IRAK3: variants seen among roughly 807,000 people sequenced by gnomAD.
IRAK3 encodes interleukin 1 receptor associated kinase 3.
A neutral mutation model predicts 56.6 loss-of-function variants in IRAK3; 57 were observed. The observed-to-expected ratio is 1.01, with a 90% CI of 0.81 to 1.26. IRAK3 has a LOEUF of 1.26. Among genes scored for constraint, IRAK3 ranks in the 50% most tolerant of loss-of-function variants. The pLI, the probability that IRAK3 is intolerant of heterozygous loss-of-function variation, is 0.00. For synonymous variants in IRAK3, 258 were observed against 255.7 expected (o/e 1.01, Z -0.09); for missense variants, 703 against 719.0 (o/e 0.98, Z 0.25).
At chr12:66,227,610 C>T (rs2701291) in intron 7 of IRAK3, among the ~76,000 whole-genome samples, 6,195 of 51,706 alleles carry the variant, frequency 0.12, 203 homozygotes, top group Non-Finnish European at 0.22. Context: ...AATAAACAAA[C>T]AAACTGCTGG....
chr12:66,194,816 G>A (rs1371310684), intron 1 of IRAK3, among the ~76,000 whole-genome samples: 4 of 129,874 alleles, frequency 3.1e-5, no homozygotes, highest in Admixed American at 8.1e-5. Context: ...GCGACAGAGC[G>A]AGACTCCTCT....
chr12:66,209,437 T>C lies in IRAK3; in HGVS notation c.317-19T>C. 6.4e-7 allele frequency: 1 copy of C among 1,562,438 alleles called. No homozygotes were observed. Among genetic ancestry groups the C allele is most frequent in the Non-Finnish European group, 8.8e-7 (1 of 1,133,644 alleles). ...ACATAAAATTTTTTTGTATCTACCT[T>C]CCCATATTTCTCTTTCAGGAGCAGT... On this transcript the variant is annotated intron_variant, in intron 2 of 11. Transcript: ENST00000261233.
chr12:66,205,992 A>G (rs988644088), intron 2 of IRAK3, among the ~76,000 whole-genome samples: 1 of 152,190 alleles, frequency 6.6e-6, no homozygotes, highest in South Asian at 2.1e-4. Flanking sequence ...GCATGTCCTT[A>G]TGTATCACAT....
At position 66,253,088 on chromosome 12, in the gene IRAK3, T is replaced by C. The variant is rs1205370938; in HGVS notation, c.*4917T>C. On this transcript the variant is annotated 3_prime_UTR_variant, in exon 12 of 12. Transcript: ENST00000261233. ...AATGGCTGGCACAGTACCTGGTGCA[T>C]AATATGGTTCAACAAATATTTGTAA... is the stretch of plus-strand genomic sequence containing the variant. 13 of 152,226 alleles carry C rather than the reference T, an allele frequency of 8.5e-5. No homozygotes were observed. The highest frequency in any genetic ancestry group is 1.9e-4 in the Non-Finnish European group (13 of 68,040). The allele number at this position is 152,226 out of a possible 1,614,324, so 9.4% of individuals were successfully genotyped here. A position where few individuals can be genotyped will look rare whatever the true frequency, so the allele number is the denominator to read the frequency against.
chr12:66,191,728 G>C (rs74100111), intron 1 of IRAK3, among the ~76,000 whole-genome samples: 16 of 152,178 alleles, frequency 1.1e-4, no homozygotes, highest in South Asian at 4.1e-4. Flanking sequence ...GGGAGAAAGA[G>C]GGGAAGAGGT....
chr12:66,211,632 C>G, intron 5 of IRAK3, 35 bp downstream of exon 5: 1 of 1,540,892 alleles, frequency 6.5e-7, no homozygotes, highest in South Asian at 1.1e-5. Flanking sequence ...GACATCAGTT[C>G]CACTTATTTG....
chr12:66,248,437 G>A lies in IRAK3; in HGVS notation c.*266G>A. On this transcript the variant is annotated 3_prime_UTR_variant, in exon 12 of 12. Coordinates refer to ENST00000261233, the MANE Select transcript of IRAK3 (RefSeq NM_007199.3). ...GCCATTCAAAATTCCTTAAGATCAT[G>A]GGTTCTGACTTCAGCCAAACAAAAC... is the stretch of plus-strand genomic sequence containing the variant. The A allele has an allele frequency of 2.9e-6, 1 of 348,058 alleles. No homozygotes were observed. The highest frequency in any genetic ancestry group is 4.4e-5 in the South Asian group (1 of 22,490). 21.6% of individuals were successfully genotyped at this position (348,058 alleles called of 1,614,324 possible).
intron 1 of IRAK3, among the ~76,000 whole-genome samples, chr12:66,190,528 G>C (rs12581703): frequency 3.9e-5 from 6 of 152,160 alleles, no homozygotes; most frequent in Non-Finnish European, 7.3e-5. Context: ...TGATTTCCTA[G>C]AGTTACTGAC....
intron 2 of IRAK3, among the ~76,000 whole-genome samples, chr12:66,208,568 C>T (rs2052580606): frequency 6.6e-6 from 1 of 151,530 alleles, no homozygotes; most frequent in Non-Finnish European, 1.5e-5. Context: ...TGAGACCAAC[C>T]TGGCCAACAT....
chr12:66,248,138 C>G lies in IRAK3; in HGVS notation c.1758C>G (p.Ser586=). The part of the protein sequence containing the change: ...PVESSCSSKF[S]WDEYEQYKKE Reference sequence around the variant, plus strand: ...AGAGCAGCTGTTCCTCCAAATTTTCCTGGGATGAATATGAACAGTACAAAA... The same window carrying G: ...AGAGCAGCTGTTCCTCCAAATTTTCGTGGGATGAATATGAACAGTACAAAA... Residue 586 remains serine, a synonymous_variant, in exon 12 of 12, where the codon TCC becomes TCG. Transcript: ENST00000261233. The G allele has an allele frequency of 6.2e-7, 1 of 1,612,554 alleles. No homozygotes were observed. The highest frequency in any genetic ancestry group is 8.5e-7 in the Non-Finnish European group (1 of 1,179,572).
At position 66,244,593 on chromosome 12, in the gene IRAK3, G is replaced by A. The variant is rs377162551; in HGVS notation, c.995G>A (p.Ser332Asn). ...EHQSCTINMT[S>N]SSSKHLWYMP... Reference sequence around the variant, plus strand: ...CAGAGTTGTACCATAAATATGACCAGCAGCAGCAGTAAACATCTGTGGTAC... The same window carrying A: ...CAGAGTTGTACCATAAATATGACCAACAGCAGCAGTAAACATCTGTGGTAC... The change falls in exon 9 of 12, where the codon AGC becomes AAC. Residue 332 changes from serine to asparagine, a missense_variant. By Grantham distance (46) the Ser-to-Asn change is conservative (BLOSUM62 1). Transcript: ENST00000261233. 1 of 1,612,916 alleles carries A rather than the reference G, an allele frequency of 6.2e-7. No individual in the cohort carries two copies. Among genetic ancestry groups the A allele is most frequent in the African/African-American group, 1.3e-5 (1 of 74,858 alleles).
chr12:66,223,707 C>CT (rs991077881), intron 6 of IRAK3, among the ~76,000 whole-genome samples: 22 of 150,468 alleles, frequency 1.5e-4, no homozygotes, highest in African/African-American at 4.6e-4. Flanking sequence ...GTAAACATTA[C>CT]TTTTTTTTAT....
chr12:66,234,470 T>C lies in IRAK3; in HGVS notation c.887+6100T>C, dbSNP rs539442343. On this transcript the variant is annotated intron_variant, in intron 8 of 11. Coordinates refer to ENST00000261233, the MANE Select transcript of IRAK3 (RefSeq NM_007199.3). ...GATCATTCGGTTTGTAGCAATACTG[T>C]ATGGTGAAGGATAAAATCCGTTTTG... 4.6e-5 allele frequency: 74 copies of C among 1,611,392 alleles called. No homozygotes were observed. The East Asian group carries it at 1.3e-3, about 28-fold the overall frequency.
chr12:66,194,140 C>T (rs2052426679), intron 1 of IRAK3, among the ~76,000 whole-genome samples: 1 of 152,176 alleles, frequency 6.6e-6, no homozygotes, highest in Admixed American at 6.5e-5. Flanking sequence ...CTCCTGGGCT[C>T]TAGCAATCCT....
chr12:66,219,745 A>C (rs1039371700), intron 6 of IRAK3, among the ~76,000 whole-genome samples: 18 of 152,200 alleles, frequency 1.2e-4, no homozygotes, highest in African/African-American at 4.3e-4. Context: ...TAGCCATCCT[A>C]ATAAGTGTGA....
chr12:66,239,039 G>A lies in IRAK3; in HGVS notation c.888-5447G>A, dbSNP rs374730027. Among the ~76,000 whole-genome samples the A allele has an allele frequency of 1.1e-3, 173 of 152,270 alleles. 2 individuals carry two copies. The highest frequency in any genetic ancestry group is 4.1e-3 in the African/African-American group (171 of 41,554). On this transcript the variant is annotated intron_variant, in intron 8 of 11. Transcript: ENST00000261233. ...TGTTATTTCCCTCCTAGCCCTTAGT[G>A]AGCTTAATTGTTTTCACATTTATGA...
At chr12:66,244,783 T>C in intron 9 of IRAK3, 99 bp downstream of exon 9, 1 of 1,160,948 alleles carries the variant, frequency 8.6e-7, no homozygotes, top group Non-Finnish European at 1.3e-6. Context: ...ACTCATTGAT[T>C]TCCTGTTAGC....
At chr12:66,247,098 C>T (rs1475698451) in intron 11 of IRAK3, among the ~76,000 whole-genome samples, 6 of 152,022 alleles carry the variant, frequency 3.9e-5, no homozygotes, top group Non-Finnish European at 8.8e-5. Context: ...GGCGAAACCC[C>T]ATCTCTACTA....
chr12:66,245,590 T>A (rs1008586391), intron 11 of IRAK3, among the ~76,000 whole-genome samples: 14 of 11,892 alleles, frequency 1.2e-3, no homozygotes, highest in East Asian at 0.25. Context: ...CAGGCTGGAG[T>A]GCAGTGGCAC....
Sources: allele counts gnomAD v4.1 joint callset (sites outside exome capture counted in the v4.1 genomes callset), GRCh38; gene constraint gnomAD v4.1.1; transcripts MANE v1.5; gene names NCBI Gene and HGNC (gene_info 2026-07-23, HGNC 2026-07-21).